MACROD2: variants seen among roughly 807,000 people sequenced by gnomAD.
MACROD2 encodes the protein mono-ADP ribosylhydrolase 2, also known as ADP-ribose glycohydrolase MACROD2.
In MACROD2, 36 loss-of-function variants were observed where a neutral mutation model predicts 70.4. The observed-to-expected ratio is 0.51, with a 90% CI of 0.39 to 0.68. The LOEUF (loss-of-function observed/expected upper bound fraction) is 0.68. MACROD2 is among the 30% of genes least tolerant of loss of function. MACROD2 has a pLI of 0.00. For missense variants in MACROD2, 496 were observed against 538.4 expected (o/e 0.92, Z 0.78); for synonymous variants, 172 against 178.8 (o/e 0.96, Z 0.30).
chr20:14,242,440 A>G (rs2122238936), intron 3 of MACROD2, among the ~76,000 whole-genome samples: 1 of 152,320 alleles, frequency 6.6e-6, no homozygotes, highest in East Asian at 1.9e-4. Flanking sequence ...TAGAATATTC[A>G]TATGCCAGCA....
rs74623646 is a variant in MACROD2 at position 15,767,821 on chromosome 20, A to C, written c.646-94924A>C. ...TTTTCTTTTTCTGTTTCACTACATA[A>C]AGTTCTTTCTTCCTCTCAGGGGATC... is the stretch of plus-strand genomic sequence containing the variant. On this transcript the variant is annotated intron_variant, in intron 8 of 17. Transcript: ENST00000684519. Among the ~76,000 whole-genome samples, 247 of 152,186 alleles carry C rather than the reference A, an allele frequency of 1.6e-3. 2 individuals carry two copies. In the East Asian group the frequency reaches 0.036, roughly 22 times the overall value.
intron 3 of MACROD2, among the ~76,000 whole-genome samples, chr20:14,100,322 T>C (rs2054281224): frequency 6.6e-6 from 1 of 151,714 alleles, no homozygotes; most frequent in Non-Finnish European, 1.5e-5. Context: ...AATCCTGCAG[T>C]ATAATCTTAA....
At chr20:15,794,143 T>C (rs2063651571) in intron 8 of MACROD2, among the ~76,000 whole-genome samples, 3 of 152,018 alleles carry the variant, frequency 2.0e-5, no homozygotes, top group Admixed American at 2.0e-4. Flanking sequence ...AGCTTTATGA[T>C]TGCATTGCAT....
At chr20:15,945,441 T>C (rs1208285564) in intron 12 of MACROD2, among the ~76,000 whole-genome samples, 1 of 152,206 alleles carries the variant, frequency 6.6e-6, no homozygotes, top group African/African-American at 2.4e-5. Flanking sequence ...GCACTTTTTT[T>C]CCACTCTATT....
chr20:15,067,175 A>G (rs1459371794), intron 5 of MACROD2, among the ~76,000 whole-genome samples: 2 of 152,180 alleles, frequency 1.3e-5, no homozygotes, highest in Non-Finnish European at 2.9e-5. Context: ...GTGCTGTGTT[A>G]AACCAACAAA....
At chr20:14,661,225 CTT>C (rs1277702417) in intron 4 of MACROD2, among the ~76,000 whole-genome samples, 9 of 152,086 alleles carry the variant, frequency 5.9e-5, no homozygotes, top group African/African-American at 2.2e-4. Context: ...GATTTTCTGA[CTT>C]TTTATTACTA....
chr20:14,379,156 A>G (rs1003054486), intron 3 of MACROD2, among the ~76,000 whole-genome samples: 1 of 152,202 alleles, frequency 6.6e-6, no homozygotes, highest in Non-Finnish European at 1.5e-5. Flanking sequence ...CTTATTTTAG[A>G]AAACAAAACA....
intron 8 of MACROD2, among the ~76,000 whole-genome samples, chr20:15,815,716 T>C (rs1375097341): frequency 6.6e-6 from 1 of 152,188 alleles, no homozygotes; most frequent in Non-Finnish European, 1.5e-5. Flanking sequence ...TCCTCAATTA[T>C]CTTTTTTAAG....
At chr20:15,053,658 G>T (rs2075460487) in intron 5 of MACROD2, among the ~76,000 whole-genome samples, 1 of 152,174 alleles carries the variant, frequency 6.6e-6, no homozygotes, top group Admixed American at 6.5e-5. Flanking sequence ...AAAGAGATTG[G>T]CATTGATTAT....
At chr20:14,183,037 T>A (rs924143362) in intron 3 of MACROD2, among the ~76,000 whole-genome samples, 8 of 148,658 alleles carry the variant, frequency 5.4e-5, no homozygotes, top group African/African-American at 2.0e-4. Context: ...CAAACCCCCA[T>A]GACACAAGTT....
At chr20:15,493,629 G>A (rs201215320) in intron 7 of MACROD2, among the ~76,000 whole-genome samples, 1 of 152,160 alleles carries the variant, frequency 6.6e-6, no homozygotes, top group East Asian at 1.9e-4. Context: ...CTACATGACA[G>A]CCTTTGGACA....
At chr20:15,534,283 C>T (rs1367922689) in intron 8 of MACROD2, among the ~76,000 whole-genome samples, 3 of 152,142 alleles carry the variant, frequency 2.0e-5, no homozygotes, top group African/African-American at 7.2e-5. Flanking sequence ...TCTTAAAAGT[C>T]ATTGAAAAAT....
chr20:14,583,275 T>G (rs983443625), intron 4 of MACROD2, among the ~76,000 whole-genome samples: 2 of 152,158 alleles, frequency 1.3e-5, no homozygotes, highest in African/African-American at 4.8e-5. Context: ...CACAGACCGT[T>G]AGGGGCCAGA....
At chr20:15,648,683 C>A (rs1321224138) in intron 8 of MACROD2, among the ~76,000 whole-genome samples, 1 of 151,992 alleles carries the variant, frequency 6.6e-6, no homozygotes, top group East Asian at 1.9e-4. Flanking sequence ...CAAATAGATA[C>A]ATAGATGAAC....
intron 4 of MACROD2, among the ~76,000 whole-genome samples, chr20:14,621,030 A>C (rs1274727701): frequency 6.6e-6 from 1 of 152,070 alleles, no homozygotes; most frequent in Non-Finnish European, 1.5e-5. Context: ...AGAGTTATGA[A>C]ATCAAGTACA....
intron 3 of MACROD2, among the ~76,000 whole-genome samples, chr20:14,225,404 T>G (rs890415296): frequency 6.6e-6 from 1 of 152,246 alleles, no homozygotes; most frequent in Non-Finnish European, 1.5e-5. Flanking sequence ...ATACTTTTTA[T>G]TTTTAACTAT....
chr20:14,612,321 G>A (rs938574167), intron 4 of MACROD2, among the ~76,000 whole-genome samples: 2 of 152,058 alleles, frequency 1.3e-5, no homozygotes, highest in Non-Finnish European at 2.9e-5. Context: ...AACTCTTTAA[G>A]CTTGGCCAAA....
At chr20:15,768,717 A>G (rs1013755121) in intron 8 of MACROD2, among the ~76,000 whole-genome samples, 4 of 152,234 alleles carry the variant, frequency 2.6e-5, no homozygotes, top group African/African-American at 9.6e-5. Context: ...ATACAATTTA[A>G]AACACAAACA....
At chr20:15,284,240 T>A (rs1411737702) in intron 6 of MACROD2, among the ~76,000 whole-genome samples, 1 of 152,234 alleles carries the variant, frequency 6.6e-6, no homozygotes, top group Non-Finnish European at 1.5e-5. Flanking sequence ...CTATGATTGC[T>A]GTTTATTTAT....
Sources: allele counts gnomAD v4.1 joint callset (sites outside exome capture counted in the v4.1 genomes callset), GRCh38; gene constraint gnomAD v4.1.1; transcripts MANE v1.5; gene names NCBI Gene and HGNC (gene_info 2026-07-23, HGNC 2026-07-21).